KCNIP4: variants seen among roughly 807,000 people sequenced by gnomAD.
KCNIP4 encodes Kv channel-interacting protein 4.
KCNIP4 carries 12 observed loss-of-function variants against 34.0 expected under a neutral mutation model. That is an observed-to-expected ratio of 0.35 (90% CI 0.23 to 0.57). The LOEUF (loss-of-function observed/expected upper bound fraction) is 0.57. KCNIP4 is among the 20% of genes least tolerant of loss of function. KCNIP4 has a pLI of 0.83. For missense variants in KCNIP4, 238 were observed against 311.7 expected, an observed-to-expected ratio of 0.76 and a Z score of 1.78; for synonymous variants, 124 against 102.2, an observed-to-expected ratio of 1.21 and a Z score of -1.29.
chr4:21,210,467 C>T (rs942904677), intron 1 of KCNIP4, among the ~76,000 whole-genome samples: 1 of 152,144 alleles, frequency 6.6e-6, no homozygotes, highest in Non-Finnish European at 1.5e-5. Flanking sequence ...GAAAGGAAGA[C>T]ACTCAATATA....
intron 1 of KCNIP4, among the ~76,000 whole-genome samples, chr4:21,097,779 T>A (rs1177134073): frequency 6.6e-6 from 1 of 152,170 alleles, no homozygotes; most frequent in East Asian, 1.9e-4. Context: ...CAATTAATAA[T>A]GCTACAATGG....
At chr4:21,539,944 C>A (rs1176996851) in intron 1 of KCNIP4, among the ~76,000 whole-genome samples, 3 of 150,850 alleles carry the variant, frequency 2.0e-5, no homozygotes, top group Non-Finnish European at 4.4e-5. Flanking sequence ...TGCCATTGCA[C>A]TCCAGCTTGG....
chr4:20,908,528 T>G (rs544020810), intron 1 of KCNIP4, among the ~76,000 whole-genome samples: 1 of 152,344 alleles, frequency 6.6e-6, no homozygotes, highest in African/African-American at 2.4e-5. Context: ...TAATACCCAC[T>G]TATTGTAAAG....
At chr4:21,577,537 A>G (rs548465717) in intron 1 of KCNIP4, among the ~76,000 whole-genome samples, 12 of 152,218 alleles carry the variant, frequency 7.9e-5, no homozygotes, top group African/African-American at 2.6e-4. Context: ...AGGCTGAGGT[A>G]GGAGAATCGC....
rs1372730952 is a variant in KCNIP4 at position 20,758,315 on chromosome 4, A to G, written c.358+506T>C. Among the ~76,000 whole-genome samples the G allele has an allele frequency of 2.6e-5, 4 of 152,304 alleles. No individual in the cohort carries two copies. The East Asian group carries it at 5.8e-4, about 22-fold the overall frequency. On this transcript the variant is annotated intron_variant, in intron 4 of 8. Transcript: ENST00000382152. ...GCACAGTAAAGAATTACTGAAAGAA[A>G]GAGGAACAGCAGAAAATATACAAGG...
chr4:20,931,344 T>C (rs192618571), intron 1 of KCNIP4, among the ~76,000 whole-genome samples: 3 of 152,246 alleles, frequency 2.0e-5, no homozygotes, highest in East Asian at 3.9e-4. Context: ...AATAGAGTCA[T>C]GTATCATTTA....
chr4:21,004,490 A>G (rs540483332), intron 1 of KCNIP4, among the ~76,000 whole-genome samples: 52 of 152,284 alleles, frequency 3.4e-4, no homozygotes, highest in African/African-American at 1.1e-3. Context: ...GACAGTCCAC[A>G]CAGAGGTGAT....
rs182925223 is a variant in KCNIP4, at chr4:20,796,175, C to T, written c.289-37285G>A. ...GATAAAATGTACATATTTTCTTAGT[C>T]GAAATCTAACTTAGTATATATCTAT... is the stretch of plus-strand genomic sequence containing the variant. On this transcript the variant is annotated intron_variant, in intron 3 of 8. Transcript: ENST00000382152. 1.1e-4 allele frequency among the ~76,000 whole-genome samples: 17 copies of T among 152,234 alleles called. No individual in the cohort carries two copies. In the East Asian group the frequency reaches 2.1e-3, roughly 19 times the overall value.
chr4:21,738,369 TTAGAG>T (rs1387202921), intron 1 of KCNIP4, among the ~76,000 whole-genome samples: 2 of 152,074 alleles, frequency 1.3e-5, no homozygotes, highest in South Asian at 2.1e-4. Context: ...GGAAGAGGGA[TTAGAG>T]TAAAGTTCTA....
intron 1 of KCNIP4, among the ~76,000 whole-genome samples, chr4:21,696,201 A>G (rs565891972): frequency 6.6e-6 from 1 of 152,184 alleles, no homozygotes; most frequent in South Asian, 2.1e-4. Context: ...ATTGTCAGTT[A>G]CTCTCTTAAA....
intron 1 of KCNIP4, among the ~76,000 whole-genome samples, chr4:20,906,124 CTCTT>C (rs1727742012): frequency 7.7e-6 from 1 of 130,212 alleles, no homozygotes; most frequent in Non-Finnish European, 1.6e-5. Context: ...TTCTCTTCCT[CTCTT>C]TCTCTTTCTC....
chr4:21,810,684 C>T (rs1244117980), intron 1 of KCNIP4, among the ~76,000 whole-genome samples: 3 of 79,466 alleles, frequency 3.8e-5, no homozygotes, highest in East Asian at 3.4e-4. Flanking sequence ...AGCGAGACTC[C>T]GTCTCAAAAA....
At chr4:21,121,777 G>A (rs754429276) in intron 1 of KCNIP4, among the ~76,000 whole-genome samples, 2 of 152,164 alleles carry the variant, frequency 1.3e-5, no homozygotes, top group Non-Finnish European at 2.9e-5. Flanking sequence ...AGATTCCCAT[G>A]TTTCCAGTAC....
At chr4:21,635,857 T>C (rs1395784338) in intron 1 of KCNIP4, among the ~76,000 whole-genome samples, 4 of 151,136 alleles carry the variant, frequency 2.6e-5, no homozygotes, top group East Asian at 1.9e-4. Context: ...TATTGCGGCA[T>C]TATTCACAAT....
chr4:20,793,760 C>T (rs886213263), intron 3 of KCNIP4, among the ~76,000 whole-genome samples: 3 of 151,910 alleles, frequency 2.0e-5, no homozygotes, highest in Admixed American at 6.6e-5. Context: ...GCTTGTTTTC[C>T]TGCAACTAGA....
intron 1 of KCNIP4, among the ~76,000 whole-genome samples, chr4:21,839,630 G>A (rs1028415166): frequency 6.6e-6 from 1 of 152,140 alleles, no homozygotes; most frequent in Non-Finnish European, 1.5e-5. Flanking sequence ...GCACATGCCT[G>A]TAATCCCAGC....
intron 1 of KCNIP4, among the ~76,000 whole-genome samples, chr4:21,559,614 G>T (rs1165300179): frequency 6.6e-6 from 1 of 152,084 alleles, no homozygotes; most frequent in Non-Finnish European, 1.5e-5. Context: ...ACTCTGCCAG[G>T]AAAGCCACTT....
chr4:21,517,248 T>G (rs554721368), intron 1 of KCNIP4, among the ~76,000 whole-genome samples: 500 of 152,024 alleles, frequency 3.3e-3, no homozygotes, highest in Non-Finnish European at 5.5e-3. Context: ...CACGTCAGAG[T>G]GGGATCCAGG....
chr4:21,794,385 T>C (rs1720496330), intron 1 of KCNIP4, among the ~76,000 whole-genome samples: 1 of 152,224 alleles, frequency 6.6e-6, no homozygotes, highest in African/African-American at 2.4e-5. Flanking sequence ...AACTGCTTAA[T>C]TGAATGGGTA....
Sources: gnomAD v4.1 joint callset for allele counts (sites outside exome capture counted in the v4.1 genomes callset) on GRCh38, gnomAD v4.1.1 for gene constraint, MANE v1.5 for transcripts, NCBI Gene and HGNC (gene_info 2026-07-23, HGNC 2026-07-21) for gene names.